PDE3A: variants seen among roughly 807,000 people sequenced by gnomAD.
PDE3A encodes cGMP-inhibited 3',5'-cyclic phosphodiesterase 3A.
A neutral mutation model predicts 98.3 loss-of-function variants in PDE3A; 43 were observed. The ratio of observed to expected loss-of-function variants is 0.44; its 90% CI spans 0.34 to 0.56. The LOEUF is 0.56. Ranked by LOEUF, PDE3A falls within the 20% of genes least tolerant of loss-of-function variation. The pLI is 0.01. For missense variants in PDE3A, 1,427 were observed against 1,440.7 expected (o/e 0.99, Z 0.15); for synonymous variants, 663 against 567.9 (o/e 1.17, Z -2.38).
intron 1 of PDE3A, among the ~76,000 whole-genome samples, chr12:20,386,059 TA>T (rs1177300769): frequency 2.6e-4 from 23 of 87,518 alleles, no homozygotes; most frequent in African/African-American, 1.1e-3. Context: ...TAAATATATA[TA>T]AATATATATA....
intron 1 of PDE3A, among the ~76,000 whole-genome samples, chr12:20,527,411 T>C (rs976181598): frequency 5.9e-5 from 9 of 152,194 alleles, no homozygotes; most frequent in African/African-American, 2.2e-4. Flanking sequence ...CCTTTCTTTT[T>C]CTTCTCTAAT....
At chr12:20,654,319 G>A (rs1010259756) in intron 15 of PDE3A, 114 bp downstream of exon 15, 23 of 974,178 alleles carry the variant, frequency 2.4e-5, no homozygotes, top group South Asian at 9.9e-5. Context: ...CATCATTTGC[G>A]GAGTTTGACT....
intron 2 of PDE3A, among the ~76,000 whole-genome samples, chr12:20,573,535 C>T (rs556754918): frequency 2.6e-5 from 4 of 152,124 alleles, no homozygotes; most frequent in African/African-American, 7.2e-5. Flanking sequence ...GACTAAGATG[C>T]AAGACTGTTT....
At chr12:20,666,243 G>T (rs1945307985) in intron 15 of PDE3A, among the ~76,000 whole-genome samples, 1 of 152,096 alleles carries the variant, frequency 6.6e-6, no homozygotes, top group Non-Finnish European at 1.5e-5. Context: ...GGGATTACAG[G>T]CATGAGCCAC....
At chr12:20,621,767 T>C (rs1297231410) in intron 5 of PDE3A, among the ~76,000 whole-genome samples, 1 of 152,080 alleles carries the variant, frequency 6.6e-6, no homozygotes, top group Non-Finnish European at 1.5e-5. Context: ...AGGAGTATGA[T>C]ATATATGAAT....
chr12:20,580,571 A>C (rs568940061), intron 2 of PDE3A, among the ~76,000 whole-genome samples: 4 of 152,214 alleles, frequency 2.6e-5, no homozygotes, highest in Admixed American at 6.5e-5. Flanking sequence ...GCATTTAGTC[A>C]AATTAGGACT....
chr12:20,405,849 T>C (rs1944222678), intron 1 of PDE3A, among the ~76,000 whole-genome samples: 1 of 152,198 alleles, frequency 6.6e-6, no homozygotes, highest in Non-Finnish European at 1.5e-5. Flanking sequence ...ACTCATCTTG[T>C]AACTGAAAGT....
intron 1 of PDE3A, among the ~76,000 whole-genome samples, chr12:20,475,565 C>T (rs997043385): frequency 6.6e-6 from 1 of 151,776 alleles, no homozygotes; most frequent in African/African-American, 2.4e-5. Flanking sequence ...CCCATCTCTA[C>T]CAAAAAATAC....
intron 5 of PDE3A, among the ~76,000 whole-genome samples, chr12:20,625,119 T>G (rs1944230693): frequency 6.6e-6 from 1 of 152,204 alleles, no homozygotes. Flanking sequence ...CAGCGTGTCC[T>G]CTAGTTCAGT....
At chr12:20,464,111 G>A (rs185657432) in intron 1 of PDE3A, among the ~76,000 whole-genome samples, 13 of 152,104 alleles carry the variant, frequency 8.5e-5, no homozygotes, top group African/African-American at 2.9e-4. Flanking sequence ...TCATTATTCT[G>A]CACTTGCCAC....
chr12:20,482,516 G>A (rs1414875577), intron 1 of PDE3A, among the ~76,000 whole-genome samples: 1 of 152,190 alleles, frequency 6.6e-6, no homozygotes, highest in African/African-American at 2.4e-5. Flanking sequence ...AAACATTGAA[G>A]CCCAGCTATA....
intron 1 of PDE3A, among the ~76,000 whole-genome samples, chr12:20,470,610 A>G (rs1215133533): frequency 1.3e-5 from 2 of 152,178 alleles, no homozygotes; most frequent in Non-Finnish European, 2.9e-5. Context: ...ACTAGGGAAC[A>G]ATGTAAGGAT....
intron 1 of PDE3A, among the ~76,000 whole-genome samples, chr12:20,474,263 TTTA>T (rs1322427521): frequency 6.6e-6 from 1 of 152,242 alleles, no homozygotes; most frequent in East Asian, 1.9e-4. Flanking sequence ...TTTTGTTCAC[TTTA>T]TTATTGTTGG....
At chr12:20,674,612 T>C (rs916262646) in intron 15 of PDE3A, among the ~76,000 whole-genome samples, 2 of 152,168 alleles carry the variant, frequency 1.3e-5, no homozygotes, top group African/African-American at 4.8e-5. Flanking sequence ...GAGTCTTTAT[T>C]GCTGATTTAA....
intron 1 of PDE3A, among the ~76,000 whole-genome samples, chr12:20,498,539 A>G (rs1386421338): frequency 1.3e-5 from 2 of 152,178 alleles, no homozygotes; most frequent in East Asian, 3.8e-4. Context: ...GAATGTGCAT[A>G]GGTTATATGC....
At chr12:20,462,698 C>A (rs1288582731) in intron 1 of PDE3A, among the ~76,000 whole-genome samples, 1 of 151,996 alleles carries the variant, frequency 6.6e-6, no homozygotes, top group Non-Finnish European at 1.5e-5. Context: ...TCTTCATTTA[C>A]TCTAAACATT....
chr12:20,644,845 C>G, intron 10 of PDE3A, among the ~76,000 whole-genome samples: 1 of 142,730 alleles, frequency 7.0e-6, no homozygotes, highest in Non-Finnish European at 1.5e-5. Context: ...TCCTCCTCCT[C>G]CTCCTCCCCC....
intron 1 of PDE3A, among the ~76,000 whole-genome samples, chr12:20,388,409 G>T (rs1292414016): frequency 6.6e-6 from 1 of 151,992 alleles, no homozygotes; most frequent in East Asian, 1.9e-4. Context: ...ACATCCACGT[G>T]TATGCACATA....
intron 4 of PDE3A, among the ~76,000 whole-genome samples, chr12:20,619,223 A>G (rs1448701015): frequency 6.6e-6 from 1 of 152,058 alleles, no homozygotes; most frequent in Non-Finnish European, 1.5e-5. Flanking sequence ...GTGTATTAAG[A>G]ATGTGATATG....
Sources: allele counts gnomAD v4.1 joint callset (sites outside exome capture counted in the v4.1 genomes callset), GRCh38; gene constraint gnomAD v4.1.1; transcripts MANE v1.5; gene names NCBI Gene and HGNC (gene_info 2026-07-23, HGNC 2026-07-21).